Variants in SPTA1 observed in about 807,000 individuals in gnomAD.
SPTA1 encodes spectrin alpha, erythrocytic 1.
Under a neutral mutation model 324.7 loss-of-function variants are expected in SPTA1, and 177 were observed. The observed-to-expected ratio is 0.55, with a 90% CI of 0.48 to 0.62. The LOEUF is 0.62. SPTA1 is among the 20% of genes least tolerant of loss of function. SPTA1 has a pLI of 0.00. For synonymous variants in SPTA1, 1,195 were observed against 1,041.3 expected (o/e 1.15, Z -2.84); for missense variants, 3,162 against 2,883.6 (o/e 1.10, Z -2.21).
At chr1:158,627,073 C>G in intron 40 of SPTA1, 66 bp from the exon 41 acceptor site, 1 of 1,590,680 alleles carries the variant, frequency 6.3e-7, no homozygotes, top group East Asian at 2.2e-5. Flanking sequence ...TCCATTAGTA[C>G]CAATAGAAAG....
chr1:158,645,661 A>G lies in SPTA1; in HGVS notation c.3897-67T>C. 2.6e-6 allele frequency: 4 copies of G among 1,516,786 alleles called. No homozygotes were observed. The Admixed American group carries it at 6.7e-5, about 25-fold the overall frequency. The allele number at this position is 1,516,786 out of a possible 1,614,324, so 94.0% of individuals were successfully genotyped here. ...AACTTGCTACAGTGCTGTTTGTCCT[A>G]CAGTTTTCCATTCTCTAGAAAACAT... is the stretch of plus-strand genomic sequence containing the variant. On this transcript the variant is annotated intron_variant, in intron 27 of 51. Coordinates refer to ENST00000643759, the MANE Select transcript of SPTA1 (RefSeq NM_003126.4).
At chr1:158,617,467 C>G in intron 47 of SPTA1, 70 bp downstream of exon 47, 2 of 1,337,094 alleles carry the variant, frequency 1.5e-6, no homozygotes, top group Non-Finnish European at 1.1e-6. Flanking sequence ...CTGGGCTTCC[C>G]TTAGGTGATT....
intron 5 of SPTA1, 150 bp from the exon 6 acceptor site, chr1:158,678,684 C>T (rs1654581379): frequency 2.2e-5 from 22 of 982,774 alleles, no homozygotes; most frequent in Non-Finnish European, 3.4e-5. Flanking sequence ...CATAGCCCTC[C>T]TCCCTAGCTC....
In SPTA1 at chr1:158,685,338, T is replaced by C. The variant is rs141813438; in HGVS notation, c.34A>G (p.Ser12Gly). 1 of 1,613,400 alleles carries C rather than the reference T, an allele frequency of 6.2e-7. No homozygotes were observed. Among genetic ancestry groups the C allele is most frequent in the African/African-American group, 1.3e-5 (1 of 75,002 alleles). The change falls in exon 2 of 52, where the codon AGC becomes GGC. Residue 12 changes from serine (S) to glycine (G), a missense_variant. Ser to Gly is a moderately conservative substitution (Grantham distance 56, BLOSUM62 0). Coordinates refer to ENST00000643759, the MANE Select transcript of SPTA1 (RefSeq NM_003126.4). ...EQFPKETVVE[S>G]SGPKVLETAE... is the part of the protein sequence containing the mutation. ...GTTTCCAAAACCTTTGGCCCACTGCTCTCCACAACCTGCAAGTTAAAAAGA... is the reference window on the plus strand; with the variant it reads ...GTTTCCAAAACCTTTGGCCCACTGCCCTCCACAACCTGCAAGTTAAAAAGA...
At chr1:158,669,880 C>A in intron 12 of SPTA1, 94 bp from the exon 13 acceptor site, 1 of 1,233,396 alleles carries the variant, frequency 8.1e-7, no homozygotes, top group Non-Finnish European at 1.2e-6. Flanking sequence ...TGAAGAACAG[C>A]AATGTGGGAG....
chr1:158,629,490 A>C (rs542604865), intron 39 of SPTA1, among the ~76,000 whole-genome samples: 53 of 152,124 alleles, frequency 3.5e-4, no homozygotes, highest in African/African-American at 1.3e-3. Flanking sequence ...GCACTCTTTC[A>C]TGATAAAAAC....
intron 16 of SPTA1, 35 bp from the exon 17 acceptor site, chr1:158,662,980 C>T (rs753573416): frequency 2.5e-6 from 4 of 1,612,844 alleles, no homozygotes; most frequent in Non-Finnish European, 8.5e-7. Context: ...GAAGAAATCC[C>T]ATCATTTAGT....
chr1:158,669,114 C>A (rs1653814798), intron 14 of SPTA1, among the ~76,000 whole-genome samples: 2 of 152,118 alleles, frequency 1.3e-5, no homozygotes, highest in African/African-American at 4.8e-5. Flanking sequence ...GGTCAATAAG[C>A]AGCTCAATAA....
At position 158,651,362 on chromosome 1, in the gene SPTA1, G is replaced by C; in HGVS notation, c.3477+5C>G. 1 of 1,607,656 alleles carries C rather than the reference G, an allele frequency of 6.2e-7. No homozygotes were observed. Among genetic ancestry groups the C allele is most frequent in the Non-Finnish European group, 8.5e-7 (1 of 1,174,190 alleles). On this transcript the variant is annotated splice_donor_5th_base_variant and intron_variant, in intron 24 of 51. Transcript: ENST00000643759. Reference sequence around the variant, plus strand: ...GTGAGGAGGAATGGAGGGAGCCTTAGTTACCTGCCGGATTTGAGCTCCTTC... The same window carrying C: ...GTGAGGAGGAATGGAGGGAGCCTTACTTACCTGCCGGATTTGAGCTCCTTC...
chr1:158,674,455 C>T (rs376084891), intron 9 of SPTA1, 25 bp from the exon 10 acceptor site: 20 of 1,613,910 alleles, frequency 1.2e-5, no homozygotes, highest in Non-Finnish European at 1.7e-5. Flanking sequence ...CAAAGTGTCT[C>T]AAAATGCAGC....
chr1:158,642,374 T>C (rs1193085386), intron 33 of SPTA1, 37 bp downstream of exon 33: 4 of 1,607,526 alleles, frequency 2.5e-6, no homozygotes, highest in Non-Finnish European at 3.4e-6. Context: ...TTCCTCTTCA[T>C]GTGACTTTGT....
chr1:158,643,087 T>C (rs1651734908), intron 31 of SPTA1, 111 bp from the exon 32 acceptor site: 5 of 1,450,522 alleles, frequency 3.4e-6, no homozygotes, highest in Non-Finnish European at 4.7e-6. Flanking sequence ...TCTCACATAG[T>C]CTTATTATTT....
chr1:158,618,412 C>A (rs1649708763), intron 45 of SPTA1, among the ~76,000 whole-genome samples: 1 of 152,172 alleles, frequency 6.6e-6, no homozygotes, highest in Non-Finnish European at 1.5e-5. Flanking sequence ...TATAGGATTT[C>A]TTTTTGTTCA....
chr1:158,681,784 AG>A, intron 3 of SPTA1, 117 bp from the exon 4 acceptor site: 1 of 1,317,738 alleles, frequency 7.6e-7, no homozygotes, highest in Non-Finnish European at 1.1e-6. Context: ...CTCATGCATT[AG>A]TTGCTCAACA....
At chr1:158,645,718 A>G in intron 27 of SPTA1, 124 bp from the exon 28 acceptor site, 2 of 1,009,342 alleles carry the variant, frequency 2.0e-6, no homozygotes, top group South Asian at 1.3e-5. Context: ...CTGGCTTTAT[A>G]TGCTTTACAG....
At chr1:158,651,016 A>C (rs1005714147) in intron 24 of SPTA1, among the ~76,000 whole-genome samples, 1 of 152,196 alleles carries the variant, frequency 6.6e-6, no homozygotes, top group African/African-American at 2.4e-5. Context: ...TGTCCAGTGT[A>C]ATATTATCTA....
chr1:158,641,385 G>C (rs1347085406), intron 33 of SPTA1, among the ~76,000 whole-genome samples: 2 of 152,062 alleles, frequency 1.3e-5, no homozygotes, highest in Non-Finnish European at 1.5e-5. Context: ...CTACAGAATG[G>C]GAGAAAATGT....
intron 25 of SPTA1, 53 bp downstream of exon 25, chr1:158,649,803 G>A: frequency 7.1e-7 from 1 of 1,405,632 alleles, no homozygotes; most frequent in Non-Finnish European, 1.0e-6. Flanking sequence ...AGACTTAGAA[G>A]TTTAGTGAGT....
intron 51 of SPTA1, chr1:158,612,567 A>AAT: frequency 2.0e-6 from 1 of 487,940 alleles, no homozygotes; most frequent in Non-Finnish European, 3.7e-6. Flanking sequence ...GAAAAAAAAA[A>AAT]GAAATAGCCT....
Sources: gnomAD v4.1 joint callset for allele counts (sites outside exome capture counted in the v4.1 genomes callset) on GRCh38, gnomAD v4.1.1 for gene constraint, MANE v1.5 for transcripts, NCBI Gene and HGNC (gene_info 2026-07-23, HGNC 2026-07-21) for gene names.